Variants in FHIT observed in about 807,000 individuals in gnomAD.
FHIT encodes fragile histidine triad diadenosine triphosphatase, also known as bis(5'-adenosyl)-triphosphatase.
In FHIT, 19 loss-of-function variants were observed where a neutral mutation model predicts 17.9. The observed-to-expected ratio is 1.06, with a 90% CI of 0.74 to 1.56. The LOEUF (loss-of-function observed/expected upper bound fraction) is 1.56, where lower values mean the gene tolerates loss of function less well. Among genes scored for constraint, FHIT ranks in the 40% most tolerant of loss-of-function variants. The pLI, the probability that FHIT is intolerant of heterozygous loss-of-function variation, is 0.00. For missense variants in FHIT, 248 were observed against 189.2 expected, an observed-to-expected ratio of 1.31 and a Z score of -1.82; for synonymous variants, 81 against 69.7, an observed-to-expected ratio of 1.16 and a Z score of -0.81.
At chr3:60,603,781 G>C (rs2038519933) in intron 4 of FHIT, among the ~76,000 whole-genome samples, 2 of 152,058 alleles carry the variant, frequency 1.3e-5, no homozygotes. Context: ...ACGTAAGAAT[G>C]AGTAGAATGT....
chr3:60,437,209 C>T (rs1485564405), intron 5 of FHIT, among the ~76,000 whole-genome samples: 2 of 152,012 alleles, frequency 1.3e-5, no homozygotes, highest in African/African-American at 4.8e-5. Flanking sequence ...ATAAATAAAT[C>T]GTAGACATGT....
At chr3:60,175,845 A>T (rs538952792) in intron 5 of FHIT, among the ~76,000 whole-genome samples, 9 of 152,240 alleles carry the variant, frequency 5.9e-5, no homozygotes, top group African/African-American at 2.2e-4. Context: ...ATTACTGTTA[A>T]CTACCCTAGT....
At chr3:59,775,845 G>A (rs533131495) in intron 8 of FHIT, among the ~76,000 whole-genome samples, 47 of 152,202 alleles carry the variant, frequency 3.1e-4, no homozygotes, top group Non-Finnish European at 2.5e-4. Context: ...ACAGAAAGGA[G>A]ATTAGGATAA....
rs367663935 is a variant in FHIT, at chr3:60,313,299, T to C, written c.103+223561A>G. ...CAGGGATCACAAGAGGAAACTAATATGTAAAAACCCAGTTCTCTAAAATTA... is the reference window on the plus strand; with the variant it reads ...CAGGGATCACAAGAGGAAACTAATACGTAAAAACCCAGTTCTCTAAAATTA... On this transcript the variant is annotated intron_variant, in intron 5 of 9. Coordinates refer to ENST00000492590, the MANE Select transcript of FHIT (RefSeq NM_002012.4). Among the ~76,000 whole-genome samples, 14 of 152,332 alleles carry C rather than the reference T, an allele frequency of 9.2e-5. No homozygotes were observed. The East Asian group carries it at 2.3e-3, about 25-fold the overall frequency.
At chr3:60,258,025 C>A (rs1331594673) in intron 5 of FHIT, among the ~76,000 whole-genome samples, 1 of 150,770 alleles carries the variant, frequency 6.6e-6, no homozygotes, top group African/African-American at 2.4e-5. Context: ...AACCTGCAAT[C>A]CTGCACATGT....
chr3:60,957,733 T>C (rs1397771383), intron 3 of FHIT, among the ~76,000 whole-genome samples: 1 of 152,160 alleles, frequency 6.6e-6, no homozygotes, highest in Non-Finnish European at 1.5e-5. Flanking sequence ...CCAGCCTGAG[T>C]CCCTGATCTT....
chr3:60,359,574 C>A (rs1029143927), intron 5 of FHIT, among the ~76,000 whole-genome samples: 2 of 152,160 alleles, frequency 1.3e-5, no homozygotes, highest in African/African-American at 4.8e-5. Context: ...CCACTGTGCC[C>A]GGCCTGAATA....
rs140365134 is a variant in FHIT, at chr3:60,941,347, T to C, written c.-111+100700A>G. 4.3e-3 allele frequency among the ~76,000 whole-genome samples: 656 copies of C among 152,284 alleles called. 3 individuals carry two copies. The highest frequency in any genetic ancestry group is 0.015 in the African/African-American group (620 of 41,570). On this transcript the variant is annotated intron_variant, in intron 3 of 9. Transcript: ENST00000492590. ...TGCTCCCTTAAAAATGGCACCTTCA[T>C]TTCTCTTCTATAATTTTCTACTCTG...
chr3:60,033,494 C>CA (rs80146755), intron 5 of FHIT, among the ~76,000 whole-genome samples: 1,831 of 128,090 alleles, frequency 0.014, 30 homozygotes, highest in African/African-American at 0.047. Context: ...AACTCCATCC[C>CA]AAAAAAAAAA....
intron 1 of FHIT, among the ~76,000 whole-genome samples, chr3:61,228,440 A>C (rs533006446): frequency 4.2e-4 from 64 of 152,278 alleles, no homozygotes; most frequent in Non-Finnish European, 7.4e-4. Flanking sequence ...ACATCTTCAC[A>C]ATTTACTACT....
At chr3:60,792,588 G>A (rs1401848093) in intron 4 of FHIT, among the ~76,000 whole-genome samples, 2 of 152,196 alleles carry the variant, frequency 1.3e-5, no homozygotes, top group South Asian at 4.1e-4. Flanking sequence ...GCCAGTGAGC[G>A]ACTGAAAGAT....
At chr3:59,850,925 C>G (rs569025037) in intron 8 of FHIT, among the ~76,000 whole-genome samples, 1 of 152,324 alleles carries the variant, frequency 6.6e-6, no homozygotes, top group East Asian at 1.9e-4. Context: ...ACCAAAGCTC[C>G]CCTTCGAGGG....
At chr3:59,922,556 G>A (rs1395261845) in intron 7 of FHIT, 142 bp from the exon 8 acceptor site, 4 of 668,546 alleles carry the variant, frequency 6.0e-6, no homozygotes, top group African/African-American at 3.6e-5. Context: ...ATCCACCTTC[G>A]GTAACTATAC....
chr3:60,709,268 T>G (rs782785564), intron 4 of FHIT, among the ~76,000 whole-genome samples: 8 of 152,224 alleles, frequency 5.3e-5, no homozygotes, highest in Non-Finnish European at 1.0e-4. Flanking sequence ...TGGCATTGTC[T>G]CAACATCACA....
rs935873888 is a variant in FHIT at position 60,014,020 on chromosome 3, G to C, written c.236C>G (p.Thr79Ser). 6.2e-7 allele frequency: 1 copy of C among 1,613,980 alleles called. No individual in the cohort carries two copies. Among genetic ancestry groups the C allele is most frequent in the Non-Finnish European group, 8.5e-7 (1 of 1,179,918 alleles). The change falls in exon 6 of 10, where the codon ACC (threonine) becomes AGC (serine). Residue 79 changes from threonine to serine, a missense_variant. Transcript: ENST00000492590. ...VEKHFHGTSL[T>S]FSMQDGPEAG... ...CTGTACACTCACCTGCATGGAAAAGGTGAGAGAGGTCCCATGGAAATGTTT... is the reference window on the plus strand; with the variant it reads ...CTGTACACTCACCTGCATGGAAAAGCTGAGAGAGGTCCCATGGAAATGTTT...
chr3:60,640,716 G>A (rs1315472489), intron 4 of FHIT, among the ~76,000 whole-genome samples: 1 of 151,956 alleles, frequency 6.6e-6, no homozygotes, highest in African/African-American at 2.4e-5. Context: ...AAAAATGTGA[G>A]GAAATGAATG....
intron 1 of FHIT, among the ~76,000 whole-genome samples, chr3:61,209,256 A>G (rs545792244): frequency 6.6e-6 from 1 of 152,006 alleles, no homozygotes; most frequent in South Asian, 2.1e-4. Flanking sequence ...AAAATTTTTT[A>G]CTTCATTTCA....
At chr3:60,173,917 GTT>G (rs142922853) in intron 5 of FHIT, among the ~76,000 whole-genome samples, 9 of 35,492 alleles carry the variant, frequency 2.5e-4, no homozygotes, top group South Asian at 1.1e-3. Flanking sequence ...ATATATATAT[GTT>G]TTTTTTTTTT....
At chr3:60,771,245 G>A (rs745957764) in intron 4 of FHIT, among the ~76,000 whole-genome samples, 2 of 152,196 alleles carry the variant, frequency 1.3e-5, no homozygotes, top group African/African-American at 4.8e-5. Context: ...CAACTTGGAA[G>A]CACATCCCTG....
Sources: allele counts gnomAD v4.1 joint callset (sites outside exome capture counted in the v4.1 genomes callset), GRCh38; gene constraint gnomAD v4.1.1; transcripts MANE v1.5; gene names NCBI Gene and HGNC (gene_info 2026-07-23, HGNC 2026-07-21).